The following USP34 variants were observed in gnomAD, a reference collection of about 807,000 sequenced individuals.
USP34 encodes ubiquitin specific peptidase 34.
In USP34, 70 loss-of-function variants were observed where a neutral mutation model predicts 460.3. That is an observed-to-expected ratio of 0.15 (90% CI 0.13 to 0.19). USP34 has a LOEUF of 0.19. USP34 is among the 10% of genes least tolerant of loss of function. The pLI, the probability that USP34 is intolerant of heterozygous loss-of-function variation, is 1.00. For missense variants in USP34, 3,985 were observed against 4,236.2 expected, an observed-to-expected ratio of 0.94 and a Z score of 1.65; for synonymous variants, 1,647 against 1,405.3, an observed-to-expected ratio of 1.17 and a Z score of -3.85.
chr2:61,373,836 CTCTATTTTCT>C (rs1692705494), intron 8 of USP34, among the ~76,000 whole-genome samples: 1 of 152,118 alleles, frequency 6.6e-6, no homozygotes. Flanking sequence ...TACTGGTTGA[CTCTATTTTCT>C]CTATTTTACA....
At chr2:61,332,689 T>A (rs1451220600) in intron 19 of USP34, among the ~76,000 whole-genome samples, 1 of 152,028 alleles carries the variant, frequency 6.6e-6, no homozygotes, top group African/African-American at 2.4e-5. Context: ...CTCACACTAT[T>A]CTTGTTCTTC....
intron 78 of USP34, chr2:61,189,936 A>G (rs911886625): frequency 1.1e-5 from 2 of 189,914 alleles, no homozygotes; most frequent in African/African-American, 4.7e-5. Flanking sequence ...GTAGATCATT[A>G]ATTGTTTCAG....
intron 2 of USP34, among the ~76,000 whole-genome samples, chr2:61,409,445 G>T (rs568388671): frequency 6.6e-6 from 1 of 152,106 alleles, no homozygotes; most frequent in Non-Finnish European, 1.5e-5. Flanking sequence ...CGGACACGGT[G>T]GCTCATGTCT....
intron 20 of USP34, among the ~76,000 whole-genome samples, chr2:61,325,921 A>G (rs1691073264): frequency 6.6e-6 from 1 of 152,228 alleles, no homozygotes; most frequent in Admixed American, 6.5e-5. Flanking sequence ...GCTGATACAA[A>G]ATTTGTATTT....
chr2:61,298,872 G>A (rs1308260680), intron 29 of USP34, among the ~76,000 whole-genome samples: 3 of 151,990 alleles, frequency 2.0e-5, no homozygotes, highest in Non-Finnish European at 4.4e-5. Flanking sequence ...AGTATTCCCA[G>A]GTCCTCAAAC....
chr2:61,373,237 T>C (rs1218177415), intron 8 of USP34, among the ~76,000 whole-genome samples: 1 of 151,198 alleles, frequency 6.6e-6, no homozygotes. Flanking sequence ...TAAAAATAGA[T>C]AGTAAAGGAG....
intron 1 of USP34, among the ~76,000 whole-genome samples, chr2:61,463,837 A>G (rs1695680051): frequency 6.6e-6 from 1 of 151,882 alleles, no homozygotes; most frequent in South Asian, 2.1e-4. Context: ...TCCTTTTCAA[A>G]AAAAAAAAAA....
intron 3 of USP34, among the ~76,000 whole-genome samples, chr2:61,398,581 GGGGAGGGAGAAA>G (rs1368721161): frequency 2.1e-4 from 29 of 137,582 alleles, no homozygotes; most frequent in Admixed American, 6.7e-4. Context: ...GGGAAAGTCG[GGGGAGGGAGAAA>G]GGGGAGGGAG....
chr2:61,221,515 T>G lies in USP34; in HGVS notation c.7886A>C (p.Gln2629Pro). The G allele has an allele frequency of 6.2e-7, 1 of 1,613,888 alleles. No homozygotes were observed. Among genetic ancestry groups the G allele is most frequent in the Non-Finnish European group, 8.5e-7 (1 of 1,179,822 alleles). The change falls in exon 66 of 80, where the codon CAG becomes CCG. Residue 2629 changes from glutamine (Q) to proline (P), a missense_variant. By Grantham distance (76) the Gln-to-Pro change is moderately conservative. Transcript: ENST00000398571. ...TGCAAGACTTACCTCCCATATCCTC[T>G]GCAGAATATAAGATGCAAAGGGAGG... ...GMPPFASYIL[Q>P]RIWEVIEYNP...
At chr2:61,353,745 A>T (rs772826611) in intron 10 of USP34, among the ~76,000 whole-genome samples, 149 of 152,240 alleles carry the variant, frequency 9.8e-4, no homozygotes, top group Middle Eastern at 3.4e-3. Context: ...CAAAGATTTT[A>T]AAAAACTTTA....
intron 33 of USP34, among the ~76,000 whole-genome samples, chr2:61,291,179 G>A (rs1689840210): frequency 6.6e-6 from 1 of 152,062 alleles, no homozygotes; most frequent in Non-Finnish European, 1.5e-5. Flanking sequence ...TAAACAAGTG[G>A]CCAATAAGCA....
At chr2:61,192,776 G>GAA in intron 76 of USP34, 125 bp downstream of exon 76, 1 of 651,930 alleles carries the variant, frequency 1.5e-6, no homozygotes, top group East Asian at 2.9e-5. Context: ...TCATTCATAT[G>GAA]TTACCTATCA....
intron 33 of USP34, among the ~76,000 whole-genome samples, chr2:61,293,127 G>C (rs1475522912): frequency 6.6e-6 from 1 of 151,716 alleles, no homozygotes; most frequent in Admixed American, 6.6e-5. Context: ...AACAAAAAAA[G>C]TTTTTTGAAA....
intron 5 of USP34, among the ~76,000 whole-genome samples, chr2:61,394,115 C>G (rs1351336346): frequency 6.6e-6 from 1 of 151,840 alleles, no homozygotes; most frequent in Admixed American, 6.6e-5. Flanking sequence ...AGTGAGACTC[C>G]GTGTCAAAAA....
intron 2 of USP34, among the ~76,000 whole-genome samples, chr2:61,409,021 A>G (rs1693962642): frequency 6.6e-6 from 1 of 152,048 alleles, no homozygotes; most frequent in South Asian, 2.1e-4. Context: ...GGAGTTCAAG[A>G]CCAGCCTGAC....
rs540460686 is a variant in USP34 at position 61,356,341 on chromosome 2, TAGTC to T, written c.1252-5652_1252-5649del. 1.5e-4 allele frequency among the ~76,000 whole-genome samples: 23 copies of T among 152,134 alleles called. No individual in the cohort carries two copies. In the East Asian group the frequency reaches 2.1e-3, roughly 14 times the overall value. On this transcript the variant is annotated intron_variant, in intron 10 of 79. Transcript: ENST00000398571. ...TGTCTCTACTAAAAAATACAAAACT[TAGTC>T]AGGCACGGTGGGCATGTGCCCATAG...
chr2:61,256,008 T>A (rs150320086), intron 48 of USP34, among the ~76,000 whole-genome samples: 160 of 152,344 alleles, frequency 1.1e-3, no homozygotes, highest in Non-Finnish European at 1.6e-3. Flanking sequence ...ACATCTATTG[T>A]GGGGTCTTGC....
chr2:61,190,017 T>G (rs1351817703), intron 78 of USP34: 1 of 365,154 alleles, frequency 2.7e-6, no homozygotes, highest in Non-Finnish European at 4.8e-6. Flanking sequence ...CAACTAGAGA[T>G]AAGACCACTA....
rs142392366 is a variant in USP34 at position 61,347,981 on chromosome 2, C to T, written c.2174G>A (p.Arg725Gln). 8.7e-6 allele frequency: 14 copies of T among 1,614,080 alleles called. No homozygotes were observed. The highest frequency in any genetic ancestry group is 2.2e-5 in the South Asian group (2 of 91,076). Residue 725 changes from arginine (R) to glutamine (Q), a missense_variant, in exon 15 of 80, where the codon CGA becomes CAA. By Grantham distance (43) the Arg-to-Gln change is conservative. This residue lies in a region of USP34 where 716 missense variants were observed against 626.2 expected (regional missense o/e 1.14). Transcript: ENST00000398571. The stretch of plus-strand genomic sequence containing the variant: ...AGTCTCCCCAAGGAAGTCCCCAGTT[C>T]GTGTGATACAAGACTCCTGAGACCC... ...AQGSQESCITRTGDFLGETIG... is the reference protein window; with the variant it reads ...AQGSQESCITQTGDFLGETIG...
Sources: gnomAD v4.1 joint callset for allele counts (sites outside exome capture counted in the v4.1 genomes callset) on GRCh38, gnomAD v4.1.1 for gene constraint, gnomAD v4.1.1 regional missense constraint, MANE v1.5 for transcripts, NCBI Gene and HGNC (gene_info 2026-07-23, HGNC 2026-07-21) for gene names.